NRG3: variants seen among roughly 807,000 people sequenced by gnomAD.
The protein encoded by NRG3 is pro-neuregulin-3, membrane-bound isoform.
NRG3 carries 31 observed loss-of-function variants against 66.9 expected under a neutral mutation model. The ratio of observed to expected loss-of-function variants is 0.46; its 90% CI spans 0.35 to 0.63. NRG3 has a LOEUF of 0.63. NRG3 is among the 20% of genes least tolerant of loss of function. The pLI is 0.00. For synonymous variants in NRG3, 393 were observed against 359.4 expected (o/e 1.09, Z -1.06); for missense variants, 910 against 878.9 (o/e 1.04, Z -0.45).
chr10:82,247,756 C>T (rs747585422), intron 1 of NRG3, among the ~76,000 whole-genome samples: 1 of 152,126 alleles, frequency 6.6e-6, no homozygotes, highest in Non-Finnish European at 1.5e-5. Context: ...CTCTAGGGTA[C>T]TTACCACTTG....
At chr10:82,388,961 A>G (rs910312733) in intron 2 of NRG3, among the ~76,000 whole-genome samples, 8 of 152,176 alleles carry the variant, frequency 5.3e-5, no homozygotes, top group African/African-American at 1.9e-4. Flanking sequence ...CATTTTACAA[A>G]AGATCCTCAG....
intron 2 of NRG3, among the ~76,000 whole-genome samples, chr10:82,440,232 G>T (rs2090363633): frequency 6.6e-6 from 1 of 150,912 alleles, no homozygotes; most frequent in African/African-American, 2.4e-5. Flanking sequence ...TACCAAATTT[G>T]CCCATATTTT....
chr10:82,392,582 G>A (rs960073651), intron 2 of NRG3, among the ~76,000 whole-genome samples: 1 of 152,128 alleles, frequency 6.6e-6, no homozygotes, highest in Non-Finnish European at 1.5e-5. Context: ...TAAAACTTTA[G>A]TTAACTCTTA....
rs78949404 is a variant in NRG3 at position 82,056,224 on chromosome 10, C to T, written c.823+180061C>T. Among the ~76,000 whole-genome samples, 1,257 of 151,930 alleles carry T rather than the reference C, an allele frequency of 8.3e-3. 13 individuals carry two copies. The highest frequency in any genetic ancestry group is 0.011 in the Admixed American group (172 of 15,236). On this transcript the variant is annotated intron_variant, in intron 1 of 8. Coordinates refer to ENST00000372141, the MANE Select transcript of NRG3 (RefSeq NM_001010848.4). The stretch of plus-strand genomic sequence containing the variant: ...ATGGTTAAGGAGTTTAATACTTGAG[C>T]AAGAGAATTATTAAAACAGCATGCT...
intron 2 of NRG3, among the ~76,000 whole-genome samples, chr10:82,596,040 T>A (rs2047255075): frequency 1.3e-5 from 2 of 152,204 alleles, no homozygotes; most frequent in South Asian, 2.1e-4. Context: ...AGTGAATTGA[T>A]GAATTAATGA....
chr10:82,626,927 T>G (rs1177141043), intron 2 of NRG3, among the ~76,000 whole-genome samples: 1 of 152,118 alleles, frequency 6.6e-6, no homozygotes, highest in Non-Finnish European at 1.5e-5. Flanking sequence ...TCAAATCTGG[T>G]ACTTTCCACA....
intron 1 of NRG3, among the ~76,000 whole-genome samples, chr10:82,240,864 T>G (rs2076976941): frequency 6.6e-6 from 1 of 152,156 alleles, no homozygotes. Context: ...GGAGGTCATT[T>G]TATTTTTGAC....
At chr10:82,935,955 C>T (rs879674724) in intron 4 of NRG3, among the ~76,000 whole-genome samples, 5 of 151,634 alleles carry the variant, frequency 3.3e-5, no homozygotes, top group Non-Finnish European at 7.4e-5. Flanking sequence ...ATACAACTAG[C>T]TTTTGGTATT....
intron 6 of NRG3, among the ~76,000 whole-genome samples, chr10:82,970,440 C>T (rs1851616775): frequency 1.3e-5 from 2 of 152,180 alleles, no homozygotes; most frequent in African/African-American, 4.8e-5. Flanking sequence ...GCTGGGACTA[C>T]AGCTGTGCAC....
intron 2 of NRG3, among the ~76,000 whole-genome samples, chr10:82,573,055 GACAGAC>G (rs1301948596): frequency 2.0e-5 from 3 of 151,836 alleles, no homozygotes; most frequent in Non-Finnish European, 4.4e-5. Context: ...GAAGGCAGAA[GACAGAC>G]ACAGATAATG....
chr10:82,796,119 A>T (rs1291196632), intron 3 of NRG3, among the ~76,000 whole-genome samples: 1 of 152,190 alleles, frequency 6.6e-6, no homozygotes, highest in Non-Finnish European at 1.5e-5. Context: ...AGACAGACTT[A>T]TGAGCTTCTC....
intron 2 of NRG3, among the ~76,000 whole-genome samples, chr10:82,512,662 C>T (rs1488170407): frequency 6.6e-6 from 1 of 152,174 alleles, no homozygotes; most frequent in African/African-American, 2.4e-5. Flanking sequence ...TTTTATGTCA[C>T]TCCTTCATTG....
chr10:82,355,564 C>A (rs971348553), intron 1 of NRG3, among the ~76,000 whole-genome samples: 1 of 152,078 alleles, frequency 6.6e-6, no homozygotes, highest in Non-Finnish European at 1.5e-5. Flanking sequence ...TAGAAAACCT[C>A]AGTAAGAGTG....
At chr10:82,402,313 C>A (rs2087160688) in intron 2 of NRG3, among the ~76,000 whole-genome samples, 1 of 152,098 alleles carries the variant, frequency 6.6e-6, no homozygotes, top group Admixed American at 6.6e-5. Flanking sequence ...AGCCATGAAC[C>A]TTCTGAAATT....
At chr10:82,337,723 T>C (rs945124071) in intron 1 of NRG3, among the ~76,000 whole-genome samples, 5 of 152,184 alleles carry the variant, frequency 3.3e-5, no homozygotes, top group African/African-American at 1.2e-4. Flanking sequence ...CTAACAATTT[T>C]GGACATCTTT....
intron 1 of NRG3, among the ~76,000 whole-genome samples, chr10:82,150,526 C>CAAAAAAAAA (rs2070637635): frequency 4.1e-4 from 7 of 17,142 alleles, no homozygotes; most frequent in African/African-American, 7.4e-4. Context: ...AAAAAGAGCA[C>CAAAAAAAAA]ACACAAAAAA....
chr10:82,057,459 C>T (rs771601163), intron 1 of NRG3, among the ~76,000 whole-genome samples: 8 of 151,936 alleles, frequency 5.3e-5, no homozygotes, highest in Non-Finnish European at 8.8e-5. Flanking sequence ...AGCTTATTTC[C>T]TCATTTGTAT....
chr10:82,541,491 C>T (rs1244262707), intron 2 of NRG3, among the ~76,000 whole-genome samples: 2 of 151,948 alleles, frequency 1.3e-5, no homozygotes, highest in African/African-American at 2.4e-5. Context: ...GGGTCGTGAT[C>T]GATTGAGCAA....
At chr10:81,906,096 GTTT>G (rs1403311954) in intron 1 of NRG3, among the ~76,000 whole-genome samples, 5 of 152,106 alleles carry the variant, frequency 3.3e-5, no homozygotes, top group African/African-American at 1.2e-4. Context: ...ACCTCACAAA[GTTT>G]TTGTAAGAAT....
Sources: allele counts gnomAD v4.1 joint callset (sites outside exome capture counted in the v4.1 genomes callset), GRCh38; gene constraint gnomAD v4.1.1; transcripts MANE v1.5; gene names NCBI Gene and HGNC (gene_info 2026-07-23, HGNC 2026-07-21).